COP1: variants seen among roughly 807,000 people sequenced by gnomAD.
COP1 encodes the protein E3 ubiquitin-protein ligase COP1.
Under a neutral mutation model 101.3 loss-of-function variants are expected in COP1, and 24 were observed. The observed-to-expected ratio is 0.24, with a 90% CI of 0.17 to 0.33. The LOEUF (loss-of-function observed/expected upper bound fraction) is 0.33, where lower values mean the gene tolerates loss of function less well. COP1 is among the 10% of genes least tolerant of loss of function. COP1 has a pLI of 1.00. For synonymous variants in COP1, 347 were observed against 341.9 expected (o/e 1.01, Z -0.17); for missense variants, 663 against 906.2 (o/e 0.73, Z 3.45).
At chr1:176,007,109 G>A (rs1571616468) in intron 15 of COP1, among the ~76,000 whole-genome samples, 1 of 152,038 alleles carries the variant, frequency 6.6e-6, no homozygotes, top group African/African-American at 2.4e-5. Flanking sequence ...TTCCATCGCT[G>A]ATACCCTTTC....
chr1:176,042,622 A>G (rs1408639317), intron 14 of COP1, among the ~76,000 whole-genome samples: 1 of 146,830 alleles, frequency 6.8e-6, no homozygotes, highest in East Asian at 2.1e-4. Context: ...TCCCAGTTAC[A>G]TGGGAGGCTG....
chr1:175,959,398 C>T (rs1472532805), intron 18 of COP1, among the ~76,000 whole-genome samples: 3 of 151,954 alleles, frequency 2.0e-5, no homozygotes, highest in African/African-American at 7.2e-5. Flanking sequence ...AACAAGTCAA[C>T]GATGCCAGAT....
intron 15 of COP1, among the ~76,000 whole-genome samples, chr1:175,994,397 T>A (rs1176599528): frequency 1.3e-5 from 2 of 152,110 alleles, no homozygotes; most frequent in Non-Finnish European, 2.9e-5. Context: ...CATAACAATA[T>A]TAACTTTAAA....
intron 18 of COP1, among the ~76,000 whole-genome samples, chr1:175,972,862 C>T (rs1308001143): frequency 1.3e-5 from 2 of 152,150 alleles, no homozygotes; most frequent in Non-Finnish European, 2.9e-5. Flanking sequence ...GACGGAGTTT[C>T]GCTCTTGTTG....
At position 176,135,063 on chromosome 1, in the gene COP1, A is replaced by T; in HGVS notation, c.915T>A (p.Pro305=). Residue 305 remains proline (P), a synonymous_variant, in exon 8 of 20, where the codon CCT becomes CCA. Coordinates refer to ENST00000367669, the MANE Select transcript of COP1 (RefSeq NM_022457.7). ...RVEEMSGLYS[P]VSEDSTVPQF... is the part of the protein sequence containing the mutation. ...GAGGCACTGTGCTATCCTCACTGACAGGAGAGTATAAGCCACTCATTTCCT... is the reference window on the plus strand; with the variant it reads ...GAGGCACTGTGCTATCCTCACTGACTGGAGAGTATAAGCCACTCATTTCCT... 1 of 1,608,564 alleles carries T rather than the reference A, an allele frequency of 6.2e-7. No individual in the cohort carries two copies. The highest frequency in any genetic ancestry group is 8.5e-7 in the Non-Finnish European group (1 of 1,175,584).
Position 175,944,862 on chromosome 1 carries a change from TTTA to T in COP1, c.*288_*290del. The T allele has an allele frequency of 2.6e-6, 1 of 383,432 alleles. No individual in the cohort carries two copies. Among genetic ancestry groups the T allele is most frequent in the Admixed American group, 4.8e-5 (1 of 20,950 alleles). The allele number at this position is 383,432 out of a possible 1,614,324, so 23.8% of individuals were successfully genotyped here. A position where few individuals can be genotyped will look rare whatever the true frequency, so the allele number is the denominator to read the frequency against. On this transcript the variant is annotated 3_prime_UTR_variant, in exon 20 of 20. Coordinates refer to ENST00000367669, the MANE Select transcript of COP1 (RefSeq NM_022457.7). ...TCAATAAACTTTTATTGTTTTGTTA[TTTA>T]TTTTTATTCAAAAGAATTTGTTTCC...
intron 15 of COP1, among the ~76,000 whole-genome samples, chr1:176,005,774 T>A (rs1663024170): frequency 6.6e-6 from 1 of 151,880 alleles, no homozygotes; most frequent in Non-Finnish European, 1.5e-5. Context: ...TCCAACTATG[T>A]GGTCAATTTT....
At chr1:175,993,819 T>C (rs1306419683) in intron 15 of COP1, among the ~76,000 whole-genome samples, 1 of 152,178 alleles carries the variant, frequency 6.6e-6, no homozygotes, top group African/African-American at 2.4e-5. Context: ...GAAAACACTC[T>C]GCAGGATATT....
intron 15 of COP1, chr1:176,018,302 T>TA (rs1238181677): frequency 1.9e-4 from 29 of 152,198 alleles, no homozygotes; most frequent in African/African-American, 6.3e-4. Context: ...TTAAAATAAT[T>TA]AAGACAATTT....
At chr1:176,047,053 C>T (rs962268672) in intron 11 of COP1, among the ~76,000 whole-genome samples, 4 of 152,140 alleles carry the variant, frequency 2.6e-5, no homozygotes, top group African/African-American at 9.6e-5. Flanking sequence ...AAAGCAAGTA[C>T]AAGATCATAC....
At position 176,154,733 on chromosome 1, in the gene COP1, T is replaced by C. The variant is rs139565800; in HGVS notation, c.763-5659A>G. Among the ~76,000 whole-genome samples, 398 of 152,196 alleles carry C rather than the reference T, an allele frequency of 2.6e-3. 3 individuals are homozygous for C. Among genetic ancestry groups the C allele is most frequent in the African/African-American group, 9.1e-3 (380 of 41,536 alleles). On this transcript the variant is annotated intron_variant, in intron 5 of 19. Coordinates refer to ENST00000367669, the MANE Select transcript of COP1 (RefSeq NM_022457.7). Reference sequence around the variant, plus strand: ...AAATAATCTGTACAATGAACCCCCATGACACAAGTTTACCTATATATAACA... The same window carrying C: ...AAATAATCTGTACAATGAACCCCCACGACACAAGTTTACCTATATATAACA...
At chr1:176,138,068 T>G (rs1270392064) in intron 6 of COP1, among the ~76,000 whole-genome samples, 2 of 152,078 alleles carry the variant, frequency 1.3e-5, no homozygotes, top group Non-Finnish European at 2.9e-5. Flanking sequence ...ATAACTAAAA[T>G]TTGATTGAAA....
At chr1:176,096,704 G>A (rs1682451793) in intron 9 of COP1, among the ~76,000 whole-genome samples, 1 of 151,978 alleles carries the variant, frequency 6.6e-6, no homozygotes, top group African/African-American at 2.4e-5. Context: ...GTTTTACAAG[G>A]CCAAGACCCC....
At chr1:175,949,479 G>A (rs1649610466) in intron 18 of COP1, among the ~76,000 whole-genome samples, 1 of 152,186 alleles carries the variant, frequency 6.6e-6, no homozygotes, top group East Asian at 1.9e-4. Flanking sequence ...AAGAGGCACT[G>A]TGTGGTGCAA....
At chr1:175,961,677 C>T (rs1172595907) in intron 18 of COP1, among the ~76,000 whole-genome samples, 1 of 100,848 alleles carries the variant, frequency 9.9e-6, no homozygotes, top group Admixed American at 1.5e-4. Flanking sequence ...GCCTGGGTAA[C>T]AGAGTGAGAC....
intron 8 of COP1, among the ~76,000 whole-genome samples, chr1:176,131,050 C>T (rs543859920): frequency 5.3e-5 from 8 of 151,854 alleles, no homozygotes; most frequent in Middle Eastern, 3.4e-3. Flanking sequence ...GGAGAAGTTT[C>T]TAGGCAAAAG....
intron 18 of COP1, among the ~76,000 whole-genome samples, chr1:175,980,441 G>A (rs1468295825): frequency 1.3e-5 from 2 of 151,564 alleles, no homozygotes; most frequent in African/African-American, 4.8e-5. Context: ...AGAAATTAGA[G>A]AGAATAAAAT....
chr1:176,182,523 T>C (rs1055319686), intron 2 of COP1, among the ~76,000 whole-genome samples: 2 of 152,210 alleles, frequency 1.3e-5, no homozygotes, highest in African/African-American at 4.8e-5. Context: ...CTAAACAATC[T>C]ATAAAGCACA....
intron 11 of COP1, among the ~76,000 whole-genome samples, chr1:176,066,417 G>T (rs1359501563): frequency 6.6e-6 from 1 of 152,098 alleles, no homozygotes; most frequent in Non-Finnish European, 1.5e-5. Context: ...CTCCTAAATA[G>T]TAAAGTGAAC....
Sources: allele counts gnomAD v4.1 joint callset (sites outside exome capture counted in the v4.1 genomes callset), GRCh38; gene constraint gnomAD v4.1.1; transcripts MANE v1.5; gene names NCBI Gene and HGNC (gene_info 2026-07-23, HGNC 2026-07-21).